The following NAALADL2 variants were observed in gnomAD, a reference collection of about 807,000 sequenced individuals.
NAALADL2 encodes N-acetylated alpha-linked acidic dipeptidase like 2.
NAALADL2 carries 76 observed loss-of-function variants against 87.2 expected under a neutral mutation model. The ratio of observed to expected loss-of-function variants is 0.87; its 90% confidence interval spans 0.72 to 1.05. The LOEUF (loss-of-function observed/expected upper bound fraction) is 1.05, where lower values mean the gene tolerates loss of function less well. NAALADL2 is among the 50% of genes least tolerant of loss of function. The pLI is 0.00. For synonymous variants in NAALADL2, 354 were observed against 331.0 expected (o/e 1.07, Z -0.75); for missense variants, 1,089 against 945.8 (o/e 1.15, Z -1.99).
chr3:175,050,349 G>T (rs61132046), intron 1 of NAALADL2, among the ~76,000 whole-genome samples: 1 of 151,656 alleles, frequency 6.6e-6, no homozygotes, highest in Admixed American at 6.6e-5. Flanking sequence ...TGCAGCCTCT[G>T]CCTCCTGGGT....
intron 1 of NAALADL2, among the ~76,000 whole-genome samples, chr3:174,869,336 A>G (rs2109596392): frequency 6.6e-6 from 1 of 152,334 alleles, no homozygotes; most frequent in Middle Eastern, 3.4e-3. Flanking sequence ...ACACCAAAAC[A>G]GTTCTAGGAG....
chr3:175,025,740 C>G (rs544056887), intron 1 of NAALADL2, among the ~76,000 whole-genome samples: 5 of 152,174 alleles, frequency 3.3e-5, no homozygotes, highest in South Asian at 4.2e-4. Flanking sequence ...GATAAAAATA[C>G]AAATATGTAT....
intron 12 of NAALADL2, among the ~76,000 whole-genome samples, chr3:175,741,314 C>T (rs915140950): frequency 6.6e-6 from 1 of 152,120 alleles, no homozygotes; most frequent in Admixed American, 6.5e-5. Flanking sequence ...AGGGAGCTGT[C>T]TTGTGTTTCT....
chr3:175,789,708 G>C (rs1207867139), intron 13 of NAALADL2, among the ~76,000 whole-genome samples: 12 of 151,992 alleles, frequency 7.9e-5, no homozygotes, highest in Non-Finnish European at 1.6e-4. Flanking sequence ...AGAACTGCAT[G>C]CATTATTTTC....
At chr3:175,014,568 C>A (rs1335012847) in intron 1 of NAALADL2, among the ~76,000 whole-genome samples, 1 of 152,050 alleles carries the variant, frequency 6.6e-6, no homozygotes, top group Non-Finnish European at 1.5e-5. Context: ...ACCATTTGGA[C>A]ATGAGTGAAT....
chr3:175,758,206 C>A (rs1473086570), intron 13 of NAALADL2, among the ~76,000 whole-genome samples: 1 of 151,842 alleles, frequency 6.6e-6, no homozygotes, highest in Non-Finnish European at 1.5e-5. Context: ...TACAGTATAC[C>A]TTGTGTTCTC....
chr3:175,505,015 G>A (rs183480819), intron 9 of NAALADL2, among the ~76,000 whole-genome samples: 8 of 152,174 alleles, frequency 5.3e-5, no homozygotes, highest in African/African-American at 7.2e-5. Flanking sequence ...ATTATTTGAC[G>A]TTTCTCTTAT....
chr3:174,858,864 T>G (rs1472192767), upstream of NAALADL2, among the ~76,000 whole-genome samples: 3 of 151,970 alleles, frequency 2.0e-5, no homozygotes, highest in Non-Finnish European at 2.9e-5. Flanking sequence ...GTTATATTCT[T>G]TGCTTACAGT....
At chr3:174,774,325 G>C (rs944545106) in intron 3 of NAALADL2, among the ~76,000 whole-genome samples, 3 of 152,094 alleles carry the variant, frequency 2.0e-5, no homozygotes, top group African/African-American at 7.2e-5. Context: ...CTACTTCTTA[G>C]GTAGACTCAC....
At chr3:175,082,042 A>G (rs1166204433) in intron 1 of NAALADL2, among the ~76,000 whole-genome samples, 2 of 120,420 alleles carry the variant, frequency 1.7e-5, no homozygotes, top group East Asian at 2.5e-4. Context: ...TTGTGTGTGT[A>G]TGTGTATGTG....
chr3:174,985,105 A>T (rs149458698), intron 1 of NAALADL2, among the ~76,000 whole-genome samples: 98 of 152,324 alleles, frequency 6.4e-4, no homozygotes, highest in African/African-American at 2.2e-3. Context: ...CTGACATCTG[A>T]GCACATAGAA....
chr3:175,230,811 T>C (rs1744839732), intron 2 of NAALADL2, among the ~76,000 whole-genome samples: 2 of 152,050 alleles, frequency 1.3e-5, no homozygotes, highest in Admixed American at 1.3e-4. Context: ...AGAACTGTCA[T>C]AAAAAGATGG....
intron 1 of NAALADL2, among the ~76,000 whole-genome samples, chr3:174,451,051 G>A (rs773355892): frequency 6.6e-6 from 1 of 151,826 alleles, no homozygotes; most frequent in African/African-American, 2.4e-5. Context: ...ATGGTTATTC[G>A]ATCTTGGACA....
At chr3:175,173,599 T>C (rs1294766575) in intron 2 of NAALADL2, among the ~76,000 whole-genome samples, 2 of 152,226 alleles carry the variant, frequency 1.3e-5, no homozygotes, top group Non-Finnish European at 2.9e-5. Flanking sequence ...CATATTATAT[T>C]TGATACATGT....
chr3:175,209,981 A>G (rs57413451), intron 2 of NAALADL2, among the ~76,000 whole-genome samples: 4,789 of 151,990 alleles, frequency 0.032, 242 homozygotes, highest in African/African-American at 0.11. Flanking sequence ...ATAGCCAACG[A>G]ATAGTAGCAT....
chr3:174,798,295 G>A (rs1718382038), intron 3 of NAALADL2, among the ~76,000 whole-genome samples: 1 of 152,062 alleles, frequency 6.6e-6, no homozygotes, highest in East Asian at 1.9e-4. Context: ...ATTCTTAATT[G>A]TTTTAAAAAA....
intron 11 of NAALADL2, among the ~76,000 whole-genome samples, chr3:175,706,655 G>A (rs116194217): frequency 1.1e-3 from 165 of 152,136 alleles, no homozygotes; most frequent in African/African-American, 3.7e-3. Flanking sequence ...ATAGCTAAAC[G>A]TTTACAAATT....
chr3:174,623,519 T>C (rs550611304), intron 2 of NAALADL2, among the ~76,000 whole-genome samples: 3 of 151,800 alleles, frequency 2.0e-5, no homozygotes, highest in Non-Finnish European at 4.4e-5. Context: ...TTCTTATTTT[T>C]AAAAATATTT....
intron 4 of NAALADL2, among the ~76,000 whole-genome samples, chr3:175,260,350 T>A (rs1401250074): frequency 1.3e-5 from 2 of 151,990 alleles, no homozygotes; most frequent in Non-Finnish European, 2.9e-5. Flanking sequence ...AGATAGGAGG[T>A]CCTCTCTGCA....
Sources: gnomAD v4.1 joint callset for allele counts (sites outside exome capture counted in the v4.1 genomes callset) on GRCh38, gnomAD v4.1.1 for gene constraint, MANE v1.5 for transcripts, NCBI Gene and HGNC (gene_info 2026-07-23, HGNC 2026-07-21) for gene names.